FAM20A: variants seen among roughly 807,000 people sequenced by gnomAD.
The protein encoded by FAM20A is FAM20A golgi associated secretory pathway pseudokinase, also known as pseudokinase FAM20A.
In FAM20A, 42 loss-of-function variants were observed where a neutral mutation model predicts 52.0. The ratio of observed to expected loss-of-function variants is 0.81; its 90% CI spans 0.63 to 1.04. The LOEUF (loss-of-function observed/expected upper bound fraction) is 1.04, where lower values mean the gene tolerates loss of function less well. Among genes scored for constraint, FAM20A ranks in the 50% least tolerant of loss-of-function variants. The pLI is 0.00. For missense variants in FAM20A, 742 were observed against 712.7 expected (o/e 1.04, Z -0.47); for synonymous variants, 304 against 298.9 (o/e 1.02, Z -0.18).
rs1170276321 is a variant in FAM20A, at chr17:68,600,423, C to T, written c.244G>A (p.Gly82Ser). ...SRTEPRTEPA[G>S]GSHSGSSSKL... is the part of the protein sequence containing the mutation. ...GAGCTCGACCCGCTGTGGCTGCCGCCAGCCGGTTCAGTCCGGGGCTCGGTT... is the reference window on the plus strand; with the variant it reads ...GAGCTCGACCCGCTGTGGCTGCCGCTAGCCGGTTCAGTCCGGGGCTCGGTT... Residue 82 changes from glycine to serine, a missense_variant, in exon 1 of 11, where the codon GGC becomes AGC. Transcript: ENST00000592554. The surrounding 1 kb of genome is among the most constrained non-coding windows in gnomAD (Gnocchi z 6.2). The T allele has an allele frequency of 3.7e-6, 6 of 1,611,116 alleles. No individual in the cohort carries two copies. Among genetic ancestry groups the T allele is most frequent in the Non-Finnish European group, 4.2e-6 (5 of 1,179,042 alleles).
At chr17:68,570,006 G>A (rs1568759914) in intron 1 of FAM20A, among the ~76,000 whole-genome samples, 1 of 152,166 alleles carries the variant, frequency 6.6e-6, no homozygotes, top group South Asian at 2.1e-4. Context: ...CACCACAAAG[G>A]TAGAGTCTAT....
chr17:68,575,382 C>A (rs1598056773), intron 1 of FAM20A, among the ~76,000 whole-genome samples: 1 of 129,060 alleles, frequency 7.7e-6, no homozygotes, highest in Non-Finnish European at 1.6e-5. Context: ...CTTTACTTTA[C>A]ATATATATAT....
chr17:68,561,985 G>T (rs1480431387), intron 1 of FAM20A, among the ~76,000 whole-genome samples: 1 of 152,066 alleles, frequency 6.6e-6, no homozygotes, highest in Non-Finnish European at 1.5e-5. Flanking sequence ...CACCACACCT[G>T]GCTAAGTTTT....
Position 68,541,127 on chromosome 17 carries a change from A to G in FAM20A, c.1110-169T>C, listed in dbSNP as rs1322405794. 5.4e-6 allele frequency: 5 copies of G among 919,874 alleles called. 1 individual carries two copies. The Admixed American group carries it at 1.0e-4, about 19-fold the overall frequency. 57.0% of individuals were successfully genotyped at this position (919,874 alleles called of 1,614,324 possible). On this transcript the variant is annotated intron_variant, in intron 7 of 10. Coordinates refer to ENST00000592554, the MANE Select transcript of FAM20A (RefSeq NM_017565.4). ...CCTGGGCAAGGACGCGTAAGGCTGC[A>G]TATTCCGTGTGGTGAGAAGGTCCTG...
intron 1 of FAM20A, among the ~76,000 whole-genome samples, chr17:68,579,076 A>G (rs2087867279): frequency 1.3e-5 from 2 of 151,866 alleles, no homozygotes; most frequent in Non-Finnish European, 2.9e-5. Context: ...GGGATTTAAC[A>G]GAGAATGTGA....
chr17:68,575,525 T>G (rs1248449866), intron 1 of FAM20A, among the ~76,000 whole-genome samples: 2 of 69,420 alleles, frequency 2.9e-5, no homozygotes, highest in East Asian at 6.4e-4. Flanking sequence ...TTATATATTA[T>G]ATAATATATA....
intron 1 of FAM20A, among the ~76,000 whole-genome samples, chr17:68,556,902 G>A (rs2087068078): frequency 6.6e-6 from 1 of 152,064 alleles, no homozygotes; most frequent in Admixed American, 6.5e-5. Context: ...AAACAAACAT[G>A]GCAGATTTGG....
At chr17:68,540,394 A>C (rs1410784009) in intron 8 of FAM20A, among the ~76,000 whole-genome samples, 1 of 152,136 alleles carries the variant, frequency 6.6e-6, no homozygotes. Flanking sequence ...CTTGCTTCCG[A>C]CCTAAGCTCC....
At chr17:68,560,249 G>T (rs2087172270) in intron 1 of FAM20A, among the ~76,000 whole-genome samples, 1 of 151,954 alleles carries the variant, frequency 6.6e-6, no homozygotes, top group African/African-American at 2.4e-5. Flanking sequence ...GAAGGCTGAG[G>T]CAGGAGAATC....
intron 1 of FAM20A, among the ~76,000 whole-genome samples, chr17:68,558,861 C>T (rs538719761): frequency 2.0e-5 from 3 of 152,212 alleles, no homozygotes; most frequent in East Asian, 1.9e-4. Context: ...CAGGTTCAAG[C>T]GATTCTCCTG....
At position 68,536,369 on chromosome 17, in the gene FAM20A, G is replaced by A. The variant is rs768668351; in HGVS notation, c.*1108C>T. 1.1e-4 allele frequency: 52 copies of A among 453,830 alleles called. No individual in the cohort carries two copies. The highest frequency in any genetic ancestry group is 1.1e-4 in the Non-Finnish European group (26 of 226,786). 28.1% of individuals were successfully genotyped at this position (453,830 alleles called of 1,614,324 possible). On this transcript the variant is annotated 3_prime_UTR_variant, in exon 11 of 11. Transcript: ENST00000592554. Reference sequence around the variant, plus strand: ...AGACCTTACTGTCCTTTGTGTTTTCGGTCATTAATTATGGAATAAGAAACA... The same window carrying A: ...AGACCTTACTGTCCTTTGTGTTTTCAGTCATTAATTATGGAATAAGAAACA...
chr17:68,585,131 G>A (rs2088130408), intron 1 of FAM20A, among the ~76,000 whole-genome samples: 1 of 152,134 alleles, frequency 6.6e-6, no homozygotes, highest in South Asian at 2.1e-4. Flanking sequence ...AGATTCAAAG[G>A]TATTGTCTGA....
intron 9 of FAM20A, 52 bp downstream of exon 9, chr17:68,539,816 CGAGCAGCTGGCTGCACA>C (rs2143460800): frequency 6.7e-7 from 1 of 1,498,508 alleles, no homozygotes; most frequent in East Asian, 2.3e-5. Context: ...CTGTTTCCCC[CGAGCAGCTGGCTGCACA>C]GAGCAGCACA....
At chr17:68,577,369 C>T (rs756661797) in intron 1 of FAM20A, among the ~76,000 whole-genome samples, 29 of 152,250 alleles carry the variant, frequency 1.9e-4, no homozygotes, top group Non-Finnish European at 1.0e-4. Context: ...AGCACAGGGG[C>T]CTTGCAGCTG....
At chr17:68,581,348 GTTTT>G (rs1238937156) in intron 1 of FAM20A, among the ~76,000 whole-genome samples, 3 of 75,080 alleles carry the variant, frequency 4.0e-5, no homozygotes, top group African/African-American at 1.0e-4. Context: ...CCGAAATGCA[GTTTT>G]TCTTTCTTTC....
chr17:68,595,751 G>T (rs1365309912), intron 1 of FAM20A, among the ~76,000 whole-genome samples: 1 of 152,202 alleles, frequency 6.6e-6, no homozygotes, highest in Non-Finnish European at 1.5e-5. Flanking sequence ...TCCAGCCTGC[G>T]GGTTGAATTG....
Position 68,541,975 on chromosome 17 carries a change from A to C in FAM20A, c.1109+10T>G, listed in dbSNP as rs779928728. 1.7e-5 allele frequency: 27 copies of C among 1,611,366 alleles called. No individual in the cohort carries two copies. In the African/African-American group the frequency reaches 3.2e-4, roughly 19 times the overall value. On this transcript the variant is annotated intron_variant, in intron 7 of 10. Coordinates refer to ENST00000592554, the MANE Select transcript of FAM20A (RefSeq NM_017565.4). The stretch of plus-strand genomic sequence containing the variant: ...AAGGACTGGGCTGTGTGGCCTGGGG[A>C]CCAACTCACTCCTCTTTTCCTGCCA...
At chr17:68,544,319 A>T (rs1349921152) in intron 4 of FAM20A, among the ~76,000 whole-genome samples, 1 of 152,184 alleles carries the variant, frequency 6.6e-6, no homozygotes, top group Non-Finnish European at 1.5e-5. Flanking sequence ...ATTTATATAC[A>T]TTAAATCTCT....
chr17:68,549,494 C>CAA (rs34993560), intron 4 of FAM20A, among the ~76,000 whole-genome samples: 23,178 of 126,470 alleles, frequency 0.18, 1,821 homozygotes, highest in Non-Finnish European at 0.19. Context: ...AACTCCATCT[C>CAA]AAAAAAAAAA....
Sources: allele counts gnomAD v4.1 joint callset (sites outside exome capture counted in the v4.1 genomes callset), GRCh38; gene constraint gnomAD v4.1.1; non-coding constraint Gnocchi (gnomAD v3.1); transcripts MANE v1.5; gene names NCBI Gene and HGNC (gene_info 2026-07-23, HGNC 2026-07-21).